Variants in PCED1B observed in about 807,000 individuals in gnomAD.
The protein encoded by PCED1B is PC-esterase domain containing 1B.
For synonymous variants in PCED1B, 251 were observed against 246.1 expected (o/e 1.02, Z -0.19); for missense variants, 573 against 573.9 (o/e 1.00, Z 0.02).
At chr12:47,208,865 C>T (rs1301683322) in intron 2 of PCED1B, 4 of 152,400 alleles carry the variant, frequency 2.6e-5, no homozygotes, top group African/African-American at 9.7e-5. Context: ...ATAATCCCAA[C>T]ATTCTGAGAG....
At position 47,236,114 on chromosome 12, in the gene PCED1B, G is replaced by T. The variant is rs535665336; in HGVS notation, c.1051G>T (p.Asp351Tyr). The T allele has an allele frequency of 1.2e-6, 2 of 1,614,080 alleles. No individual in the cohort carries two copies. The highest frequency in any genetic ancestry group is 1.7e-6 in the Non-Finnish European group (2 of 1,180,020). The change falls in exon 4 of 4, where the codon GAT becomes TAT. Residue 351 changes from aspartate to tyrosine, a missense_variant. Coordinates refer to ENST00000546455, the MANE Select transcript of PCED1B (RefSeq NM_138371.3). ...CFSSDHTFQSDQFYCHSDVPS... is the reference protein window; with the variant it reads ...CFSSDHTFQSYQFYCHSDVPS... ...TTCCTCAGACCATACTTTCCAGTCG[G>T]ATCAATTCTATTGCCATTCAGATGT...
intron 3 of PCED1B, among the ~76,000 whole-genome samples, chr12:47,217,372 T>C: frequency 6.9e-6 from 1 of 144,708 alleles, no homozygotes. Context: ...GAATTCCAAC[T>C]TGGGCAACAG....
At chr12:47,081,913 A>G (rs1489538633) in intron 1 of PCED1B, among the ~76,000 whole-genome samples, 1 of 152,236 alleles carries the variant, frequency 6.6e-6, no homozygotes, top group East Asian at 1.9e-4. Context: ...TTGTAGAAAC[A>G]TTATGCAGAG....
chr12:47,225,435 C>T (rs986688087), intron 3 of PCED1B, among the ~76,000 whole-genome samples: 1 of 152,182 alleles, frequency 6.6e-6, no homozygotes, highest in African/African-American at 2.4e-5. Flanking sequence ...GTCCACAAGT[C>T]ACTAAGTTTT....
chr12:47,160,828 T>C (rs1941355067), intron 2 of PCED1B, among the ~76,000 whole-genome samples: 1 of 152,188 alleles, frequency 6.6e-6, no homozygotes, highest in South Asian at 2.1e-4. Context: ...TGGAGCCTAA[T>C]GGGAGGTATC....
intron 2 of PCED1B, among the ~76,000 whole-genome samples, chr12:47,197,207 C>T (rs1363672728): frequency 1.5e-5 from 2 of 137,450 alleles, no homozygotes; most frequent in Non-Finnish European, 3.0e-5. Flanking sequence ...CCACTGCACT[C>T]CAGCCTGGGT....
chr12:47,117,198 A>G (rs1449207608), intron 2 of PCED1B, among the ~76,000 whole-genome samples: 2 of 152,060 alleles, frequency 1.3e-5, no homozygotes, highest in Admixed American at 1.3e-4. Flanking sequence ...GCAGTACTTC[A>G]TTCATTTTTT....
chr12:47,089,461 C>CATGTATATATATATGTAT lies in PCED1B; in HGVS notation c.-609+9738_-609+9739insGTATATATATATGTATAT, dbSNP rs1233280547. On this transcript the variant is annotated intron_variant, in intron 1 of 3. Transcript: ENST00000546455. The stretch of plus-strand genomic sequence containing the variant: ...GACTCCATCTCAAAAAAAAAAAATA[C>CATGTATATATATATGTAT]ATATATATATATATATATATATATA... Among the ~76,000 whole-genome samples the CATGTATATATATATGTAT allele has an allele frequency of 3.6e-4, 23 of 63,412 alleles. 1 individual carries two copies. The highest frequency in any genetic ancestry group is 1.2e-3 in the South Asian group (2 of 1,708). The allele number at this position is 63,412 out of a possible 152,430, so 41.6% of individuals were successfully genotyped here. A position where few individuals can be genotyped will look rare whatever the true frequency, so the allele number is the denominator to read the frequency against.
intron 2 of PCED1B, among the ~76,000 whole-genome samples, chr12:47,132,417 A>T (rs531615778): frequency 6.6e-6 from 1 of 152,264 alleles, no homozygotes; most frequent in East Asian, 1.9e-4. Context: ...TCTGCAACAA[A>T]TACCCCTGTG....
At chr12:47,080,239 C>T (rs1284512411) in intron 1 of PCED1B, among the ~76,000 whole-genome samples, 1 of 152,144 alleles carries the variant, frequency 6.6e-6, no homozygotes, top group Non-Finnish European at 1.5e-5. Context: ...CCAAGCCGGG[C>T]GGTAATGGGG....
chr12:47,198,937 G>C (rs1942686676), intron 2 of PCED1B, among the ~76,000 whole-genome samples: 2 of 150,454 alleles, frequency 1.3e-5, no homozygotes, highest in Non-Finnish European at 3.0e-5. Flanking sequence ...TTGCACTCCA[G>C]CCTGGGCAAC....
rs766942408 is a variant in PCED1B, at chr12:47,235,265, G to A, written c.202G>A (p.Gly68Ser). Residue 68 changes from glycine (G) to serine (S), a missense_variant, in exon 4 of 4, where the codon GGC becomes AGC. By Grantham distance (56) the Gly-to-Ser change is moderately conservative (BLOSUM62 0). Transcript: ENST00000546455. ...QDELVDGGQR[G>S]HMHNGLNYRE... ...TGAGCTGGTGGACGGAGGCCAGCGG[G>A]GCCACATGCACAACGGCCTTAACTA... 6.2e-7 allele frequency: 1 copy of A among 1,614,050 alleles called. No individual in the cohort carries two copies. Among genetic ancestry groups the A allele is most frequent in the Non-Finnish European group, 8.5e-7 (1 of 1,179,972 alleles).
intron 2 of PCED1B, among the ~76,000 whole-genome samples, chr12:47,163,200 ATTTTC>A (rs1941443515): frequency 6.6e-6 from 1 of 152,040 alleles, no homozygotes; most frequent in Non-Finnish European, 1.5e-5. Context: ...TGTTTTTAGA[ATTTTC>A]TTTTCAGATG....
intron 2 of PCED1B, among the ~76,000 whole-genome samples, chr12:47,193,701 CAT>C (rs1942517227): frequency 6.6e-6 from 1 of 152,174 alleles, no homozygotes; most frequent in Non-Finnish European, 1.5e-5. Context: ...CTCCCCGTGA[CAT>C]AAATTTCAGT....
intron 2 of PCED1B, among the ~76,000 whole-genome samples, chr12:47,160,765 T>C (rs1256232214): frequency 2.6e-5 from 4 of 152,214 alleles, no homozygotes; most frequent in African/African-American, 4.8e-5. Flanking sequence ...AAAACTCATA[T>C]TGAAACCTTA....
Position 47,235,133 on chromosome 12 carries a change from T to C in PCED1B, c.70T>C (p.Ser24Pro). 4 of 1,546,032 alleles carry C rather than the reference T, an allele frequency of 2.6e-6. No individual in the cohort carries two copies. Among genetic ancestry groups the C allele is most frequent in the Non-Finnish European group, 3.5e-6 (4 of 1,146,942 alleles). ...HNKFVVILGD[S>P]VHRAVYKDLV... ...TAAGTTCGTGGTCATCCTGGGGGAC[T>C]CTGTGCATAGGGCAGTATACAAGGA... Residue 24 changes from serine to proline, a missense_variant, in exon 4 of 4, where the codon TCT becomes CCT. Ser to Pro is a moderately conservative substitution (Grantham distance 74, BLOSUM62 -1). Coordinates refer to ENST00000546455, the MANE Select transcript of PCED1B (RefSeq NM_138371.3).
chr12:47,231,883 T>C (rs1943818728), intron 3 of PCED1B, among the ~76,000 whole-genome samples: 1 of 152,092 alleles, frequency 6.6e-6, no homozygotes, highest in South Asian at 2.1e-4. Flanking sequence ...GAAAACACAA[T>C]AGGAAAGGGT....
At chr12:47,093,343 CTGT>C (rs1938345888) in intron 1 of PCED1B, among the ~76,000 whole-genome samples, 1 of 150,974 alleles carries the variant, frequency 6.6e-6, no homozygotes, top group Admixed American at 6.6e-5. Flanking sequence ...TTTTTCATTG[CTGT>C]TGTTGCGAAT....
At chr12:47,233,162 C>T (rs7313879) in intron 3 of PCED1B, among the ~76,000 whole-genome samples, 10,340 of 152,280 alleles carry the variant, frequency 0.068, 417 homozygotes, top group Middle Eastern at 0.12. Context: ...CCACCTTGGC[C>T]TTCCAAAGTG....
Sources: allele counts gnomAD v4.1 joint callset (sites outside exome capture counted in the v4.1 genomes callset), GRCh38; gene constraint gnomAD v4.1.1; transcripts MANE v1.5; gene names NCBI Gene and HGNC (gene_info 2026-07-23, HGNC 2026-07-21).